The following ABCC2 variants were observed in gnomAD, a reference collection of about 807,000 sequenced individuals.
ABCC2 encodes ATP-binding cassette sub-family C member 2.
A neutral mutation model predicts 173.4 loss-of-function variants in ABCC2; 157 were observed. The ratio of observed to expected loss-of-function variants is 0.91; its 90% confidence interval spans 0.80 to 1.03. The LOEUF is 1.03. ABCC2 is among the 50% of genes least tolerant of loss of function. ABCC2 has a pLI of 0.00. For synonymous variants in ABCC2, 657 were observed against 693.5 expected (o/e 0.95, Z 0.83); for missense variants, 1,822 against 1,852.3 (o/e 0.98, Z 0.30).
Position 99,807,538 on chromosome 10 carries a change from T to G in ABCC2, c.1668+17T>G. 1 of 1,613,924 alleles carries G rather than the reference T, an allele frequency of 6.2e-7. No homozygotes were observed. Among genetic ancestry groups the G allele is most frequent in the Middle Eastern group, 1.7e-4 (1 of 6,060 alleles). On this transcript the variant is annotated intron_variant, in intron 12 of 31. Coordinates refer to ENST00000647814, the MANE Select transcript of ABCC2 (RefSeq NM_000392.5). ...CCAGTCCTGGTGAGTAGCAGAGGGG[T>G]CCATGGGCTGCGTATTCACCTGGAC...
In ABCC2 at chr10:99,847,070, T is replaced by TG. The variant is rs1422422065; in HGVS notation, c.4258dup (p.Ala1420GlyfsTer43). The TG allele has an allele frequency of 6.2e-7, 1 of 1,614,192 alleles. No individual in the cohort carries two copies. Among genetic ancestry groups the TG allele is most frequent in the East Asian group, 2.2e-5 (1 of 44,886 alleles). On this transcript the variant is annotated frameshift_variant, in exon 30 of 32. Transcript: ENST00000647814. LOFTEE classifies it high-confidence loss of function. ...GAGCTGGCTCACCTCAAGTCTTTTG[T>TG]GGCCAGCCTGCAACTTGGGTTATCC...
rs1350465744 is a variant in ABCC2, at chr10:99,837,301, A to C, written c.3614+1011A>C. On this transcript the variant is annotated intron_variant, in intron 25 of 31. Coordinates refer to ENST00000647814, the MANE Select transcript of ABCC2 (RefSeq NM_000392.5). ...CAGGCATGCACCACCACGCCCAGCT[A>C]ATTTTTTTTATTTTTAGTAGAGACG... Among the ~76,000 whole-genome samples, 13 of 112,434 alleles carry C rather than the reference A, an allele frequency of 1.2e-4. No homozygotes were observed. The Middle Eastern group carries it at 0.035, about 302-fold the overall frequency. The allele number at this position is 112,434 out of a possible 152,430, so 73.8% of individuals were successfully genotyped here.
chr10:99,782,666 T>C lies in ABCC2; in HGVS notation c.-179T>C. 2.9e-6 allele frequency: 2 copies of C among 700,450 alleles called. No homozygotes were observed. The highest frequency in any genetic ancestry group is 4.9e-6 in the Non-Finnish European group (2 of 412,210). 43.4% of individuals were successfully genotyped at this position (700,450 alleles called of 1,614,324 possible). A position where few individuals can be genotyped will look rare whatever the true frequency, so the allele number is the denominator to read the frequency against. ...GTCACATGTCCATCCACTGTTTCAATGTAACATGCATCTAGGCAAGGTTAA... is the reference window on the plus strand; with the variant it reads ...GTCACATGTCCATCCACTGTTTCAACGTAACATGCATCTAGGCAAGGTTAA... On this transcript the variant is annotated 5_prime_UTR_variant, in exon 1 of 32. It removes an upstream start codon present in the reference 5' UTR. Coordinates refer to ENST00000647814, the MANE Select transcript of ABCC2 (RefSeq NM_000392.5).
chr10:99,796,907 C>A (rs1037517195), intron 6 of ABCC2, among the ~76,000 whole-genome samples, 190 bp from the exon 7 acceptor site: 1 of 152,146 alleles, frequency 6.6e-6, no homozygotes, highest in African/African-American at 2.4e-5. Context: ...CTAACACATT[C>A]TTTTGCCCCC....
At chr10:99,814,980 T>C (rs1411962952) in intron 16 of ABCC2, among the ~76,000 whole-genome samples, 6 of 151,734 alleles carry the variant, frequency 4.0e-5, no homozygotes, top group Admixed American at 3.9e-4. Context: ...ACTTTTTTTT[T>C]TTTTTACTTT....
At chr10:99,841,487 C>T (rs1260128398) in intron 25 of ABCC2, among the ~76,000 whole-genome samples, 1 of 151,948 alleles carries the variant, frequency 6.6e-6, no homozygotes, top group East Asian at 1.9e-4. Context: ...CCCGGGAGGT[C>T]GAGGCTGCAG....
At chr10:99,842,730 A>G (rs1162803347) in intron 26 of ABCC2, among the ~76,000 whole-genome samples, 1 of 152,152 alleles carries the variant, frequency 6.6e-6, no homozygotes, top group Non-Finnish European at 1.5e-5. Context: ...TGTGGGCATT[A>G]TATAATAGTG....
In ABCC2 at chr10:99,805,381, G is replaced by A; in HGVS notation, c.1465-1G>A. ...TTTTTCTTTTGCTTTTTTCCTGGCA[G>A]GTCAAAAATATGAAGAATAAAGACA... On this transcript the variant is annotated splice_acceptor_variant, in intron 10 of 31. Coordinates refer to ENST00000647814, the MANE Select transcript of ABCC2 (RefSeq NM_000392.5). LOFTEE classifies it high-confidence loss of function. 2 of 1,613,604 alleles carry A rather than the reference G, an allele frequency of 1.2e-6. No homozygotes were observed. Among genetic ancestry groups the A allele is most frequent in the Non-Finnish European group, 1.7e-6 (2 of 1,179,670 alleles).
chr10:99,782,733 C>CA lies in ABCC2; in HGVS notation c.-111dup. The stretch of plus-strand genomic sequence containing the variant: ...ATGAAAGGTCATCCTTTACGGAGAA[C>CA]ATCAGAATGGTAGATAATTCCTGTT... On this transcript the variant is annotated 5_prime_UTR_variant, in exon 1 of 32. It removes the in-frame stop codon of an upstream open reading frame in the 5' UTR. Coordinates refer to ENST00000647814, the MANE Select transcript of ABCC2 (RefSeq NM_000392.5). The CA allele has an allele frequency of 8.0e-7, 1 of 1,245,558 alleles. No homozygotes were observed. Among genetic ancestry groups the CA allele is most frequent in the Non-Finnish European group, 1.2e-6 (1 of 852,594 alleles). 77.2% of individuals were successfully genotyped at this position (1,245,558 alleles called of 1,614,324 possible). A position where few individuals can be genotyped will look rare whatever the true frequency, so the allele number is the denominator to read the frequency against.
At chr10:99,816,649 G>A (rs190964486) in intron 16 of ABCC2, among the ~76,000 whole-genome samples, 1 of 152,272 alleles carries the variant, frequency 6.6e-6, no homozygotes, top group Non-Finnish European at 1.5e-5. Flanking sequence ...AACCCCGTGG[G>A]CCTCAGACTG....
intron 23 of ABCC2, among the ~76,000 whole-genome samples, chr10:99,833,965 G>C (rs913648607): frequency 2.0e-5 from 3 of 152,120 alleles, no homozygotes; most frequent in Admixed American, 6.6e-5. Flanking sequence ...TGGGTTCCTT[G>C]GTTAGAACAC....
intron 2 of ABCC2, among the ~76,000 whole-genome samples, chr10:99,787,064 T>TTA (rs2037724437): frequency 6.7e-6 from 1 of 149,126 alleles, no homozygotes; most frequent in South Asian, 2.1e-4. Flanking sequence ...GCTACTCAGG[T>TTA]GGCTGAGGCA....
At chr10:99,822,503 C>A (rs183394188) in intron 19 of ABCC2, among the ~76,000 whole-genome samples, 1 of 151,918 alleles carries the variant, frequency 6.6e-6, no homozygotes, top group Admixed American at 6.6e-5. Context: ...ATGTCTAGTG[C>A]GTATCCAAAC....
chr10:99,836,243 G>T lies in ABCC2; in HGVS notation c.3567G>T (p.Arg1189Ser), dbSNP rs753216379. 6.2e-7 allele frequency: 1 copy of T among 1,614,212 alleles called. No individual in the cohort carries two copies. Among genetic ancestry groups the T allele is most frequent in the South Asian group, 1.1e-5 (1 of 91,088 alleles). Residue 1189 changes from arginine to serine, a missense_variant, in exon 25 of 32, where the codon AGG becomes AGT. By Grantham distance (110) the Arg-to-Ser change is moderately radical. Transcript: ENST00000647814. ...GATTTCTGAAACACAATGAGGTGAG[G>T]ATTGACACCAACCAGAAATGTGTCT... ...QQRFLKHNEV[R>S]IDTNQKCVFS...
At chr10:99,794,282 A>T (rs2037858856) in intron 5 of ABCC2, 131 bp from the exon 6 acceptor site, 3 of 899,576 alleles carry the variant, frequency 3.3e-6, no homozygotes, top group Admixed American at 4.0e-5. Context: ...ACATGTTGAT[A>T]AGCTGACTTT....
At chr10:99,820,747 T>C (rs967090497) in intron 19 of ABCC2, among the ~76,000 whole-genome samples, 1 of 151,926 alleles carries the variant, frequency 6.6e-6, no homozygotes, top group African/African-American at 2.4e-5. Flanking sequence ...AAAGGAGCAA[T>C]TGAAAGCTTT....
intron 27 of ABCC2, 149 bp from the exon 28 acceptor site, chr10:99,844,173 C>A: frequency 1.0e-6 from 1 of 963,964 alleles, no homozygotes; most frequent in Non-Finnish European, 1.6e-6. Context: ...TCCAAAAGTG[C>A]AAGTCTAGTT....
chr10:99,829,855 G>A (rs2038708978), intron 19 of ABCC2, among the ~76,000 whole-genome samples: 1 of 152,044 alleles, frequency 6.6e-6, no homozygotes, highest in African/African-American at 2.4e-5. Context: ...CAAACTCCTG[G>A]GCTGAAGTGA....
intron 14 of ABCC2, 68 bp from the exon 15 acceptor site, chr10:99,811,468 G>A: frequency 6.7e-7 from 1 of 1,484,960 alleles, no homozygotes; most frequent in South Asian, 1.1e-5. Context: ...AAAGCGGAGA[G>A]AGACACGTGA....
Sources: gnomAD v4.1 joint callset for allele counts (sites outside exome capture counted in the v4.1 genomes callset) on GRCh38, gnomAD v4.1.1 for gene constraint, MANE v1.5 for transcripts, NCBI Gene and HGNC (gene_info 2026-07-23, HGNC 2026-07-21) for gene names.